The following PRAMEF20 variants were observed in gnomAD, a reference collection of about 807,000 sequenced individuals.
PRAMEF20 encodes PRAME family member 20/21.
Under a neutral mutation model 32.4 loss-of-function variants are expected in PRAMEF20, and 27 were observed. That is an observed-to-expected ratio of 0.83 (90% CI 0.61 to 1.15). PRAMEF20 has a LOEUF of 1.15. Ranked by LOEUF, PRAMEF20 falls within the 50% of genes most tolerant of loss-of-function variation. PRAMEF20 has a pLI of 0.00. For synonymous variants in PRAMEF20, 256 were observed against 235.4 expected (o/e 1.09, Z -0.80); for missense variants, 604 against 584.5 (o/e 1.03, Z -0.34).
At chr1:13,410,863 T>A in the PRAMEF20 span, among the ~76,000 whole-genome samples, 1 of 151,552 alleles carries the variant, frequency 6.6e-6, no homozygotes, top group Non-Finnish European at 1.5e-5. Flanking sequence ...TACAAAATAT[T>A]TTTTTTTGGT....
chr1:13,416,549 T>C, exon 1 of PRAMEF20: 1 of 1,614,138 alleles, frequency 6.2e-7, no homozygotes, highest in Non-Finnish European at 8.5e-7. Context: ...TCCGCCTTCC[T>C]CTGGGGTCTC....
exon 2 of PRAMEF20, chr1:13,418,662 T>G: frequency 6.2e-7 from 1 of 1,613,974 alleles, no homozygotes; most frequent in Non-Finnish European, 8.5e-7. Context: ...ATATGAACTC[T>G]GTTTCTTTCC....
At chr1:13,411,196 G>T in the PRAMEF20 span, among the ~76,000 whole-genome samples, 1 of 151,784 alleles carries the variant, frequency 6.6e-6, no homozygotes, top group Non-Finnish European at 1.5e-5. Context: ...GGGCATGGTG[G>T]CATGCATCTG....
upstream of PRAMEF20, among the ~76,000 whole-genome samples, chr1:13,411,989 T>A (rs1641118756): frequency 6.6e-6 from 1 of 152,110 alleles, no homozygotes. Flanking sequence ...ACCACCTTAG[T>A]GGCTTTTAAT....
intron 2 of PRAMEF20, among the ~76,000 whole-genome samples, chr1:13,420,257 C>T (rs1323379838): frequency 2.0e-5 from 3 of 152,186 alleles, no homozygotes; most frequent in Non-Finnish European, 4.4e-5. Flanking sequence ...GTCACCCAGG[C>T]TGGAGTGCAG....
At chr1:13,411,083 C>G in the PRAMEF20 span, among the ~76,000 whole-genome samples, 1 of 152,136 alleles carries the variant, frequency 6.6e-6, no homozygotes, top group Non-Finnish European at 1.5e-5. Flanking sequence ...GTCTCGAACT[C>G]CTGACCTCAA....
exon 1 of PRAMEF20, chr1:13,416,414 C>G (rs754257249): frequency 1.9e-5 from 31 of 1,613,686 alleles, no homozygotes; most frequent in South Asian, 1.8e-4. Context: ...TGCTGAGGGA[C>G]GAGGCCTTGG....
chr1:13,411,338 C>A, the PRAMEF20 span, among the ~76,000 whole-genome samples: 80 of 151,838 alleles, frequency 5.3e-4, 1 homozygote, highest in Admixed American at 3.9e-4. Context: ...GCCCCCTCCC[C>A]CCCACCGCCA....
In PRAMEF20 at chr1:13,421,078, G is replaced by A. The variant is rs1557477946; in HGVS notation, c.1248G>A (p.Arg416=). ...GCCTGGAGCTGTATCCTGCCCCGCG[G>A]GAGAGTTATGATGTTCGTGGTATCG... is the stretch of plus-strand genomic sequence containing the variant. Residue 416 remains arginine, a synonymous_variant, in exon 3 of 3, where the codon CGG becomes CGA. Transcript: ENST00000602960. 5.6e-6 allele frequency: 9 copies of A among 1,613,916 alleles called. No homozygotes were observed. In the South Asian group the frequency reaches 9.9e-5, roughly 18 times the overall value.
chr1:13,410,564 A>G, the PRAMEF20 span: 1 of 150,988 alleles, frequency 6.6e-6, no homozygotes, highest in Non-Finnish European at 1.5e-5. Flanking sequence ...CTCCCATCTG[A>G]CCTACAGTCA....
chr1:13,413,272 C>A (rs1641131596), upstream of PRAMEF20, among the ~76,000 whole-genome samples: 2 of 152,302 alleles, frequency 1.3e-5, no homozygotes, highest in African/African-American at 4.8e-5. Context: ...ATATCTAATT[C>A]AATCAGTTAA....
At chr1:13,413,938 T>G (rs1641136874), upstream of PRAMEF20, among the ~76,000 whole-genome samples, 1 of 152,156 alleles carries the variant, frequency 6.6e-6, no homozygotes, top group Non-Finnish European at 1.5e-5. Context: ...GGCTTTGAAT[T>G]TTTCTCTAAA....
At chr1:13,411,268 G>T in the PRAMEF20 span, among the ~76,000 whole-genome samples, 1 of 152,192 alleles carries the variant, frequency 6.6e-6, no homozygotes, top group East Asian at 1.9e-4. Context: ...GTTTGAGGCT[G>T]CAATGAGCCG....
upstream of PRAMEF20, among the ~76,000 whole-genome samples, chr1:13,414,205 CTAATT>C (rs1641139552): frequency 2.3e-5 from 3 of 128,932 alleles, no homozygotes; most frequent in Admixed American, 8.1e-5. Flanking sequence ...TCACACCTGA[CTAATT>C]TTTTTTTTTT....
chr1:13,418,077 G>T, intron 1 of PRAMEF20, 45 bp from the exon 3 acceptor site: 2 of 1,611,740 alleles, frequency 1.2e-6, no homozygotes, highest in Non-Finnish European at 1.7e-6. Flanking sequence ...CCCAGCCTCA[G>T]AAGTGAGTCC....
exon 1 of PRAMEF20, chr1:13,416,441 G>A (rs746904990): frequency 4.6e-5 from 75 of 1,613,908 alleles, no homozygotes; most frequent in Non-Finnish European, 6.3e-5. Context: ...CCACCCTGGA[G>A]GAGCTGCCCA....
chr1:13,420,719 A>G (rs1360152746), exon 3 of PRAMEF20: 1 of 1,613,768 alleles, frequency 6.2e-7, no homozygotes, highest in Non-Finnish European at 8.5e-7. Context: ...CTCGTTAAAC[A>G]TCCTCGCAAT....
chr1:13,420,970 C>A, exon 3 of PRAMEF20: 1 of 1,613,746 alleles, frequency 6.2e-7, no homozygotes, highest in Non-Finnish European at 8.5e-7. Flanking sequence ...TTGAGCTCAC[C>A]ACCTTCAGCT....
In PRAMEF20 at chr1:13,418,386, G is replaced by A. The variant is rs1641206099; in HGVS notation, c.552G>A (p.Lys184=). 10 of 1,613,758 alleles carry A rather than the reference G, an allele frequency of 6.2e-6. No individual in the cohort carries two copies. In the African/African-American group the frequency reaches 9.3e-5, roughly 15 times the overall value. The change falls in exon 2 of 3, where the codon AAG becomes AAA. Residue 184 remains lysine, a synonymous_variant. Coordinates refer to ENST00000602960, the Ensembl canonical transcript of PRAMEF20. ...GTTTAGTACACCTGTGCTGTAAGAA[G>A]CTGAAAATGTTGGGAATGCTCTTCC...
Sources: gnomAD v4.1 joint callset for allele counts (sites outside exome capture counted in the v4.1 genomes callset) on GRCh38, gnomAD v4.1.1 for gene constraint, MANE v1.5 for transcripts, NCBI Gene and HGNC (gene_info 2026-07-23, HGNC 2026-07-21) for gene names.